The following ZNF335 variants were observed in gnomAD, a reference collection of about 807,000 sequenced individuals.
The protein encoded by ZNF335 is zinc finger protein 335, also known as NRC-interacting factor 1.
ZNF335 carries 84 observed loss-of-function variants against 145.6 expected under a neutral mutation model. The ratio of observed to expected loss-of-function variants is 0.58; its 90% CI spans 0.48 to 0.69. The LOEUF (loss-of-function observed/expected upper bound fraction) is 0.69. Ranked by LOEUF, ZNF335 falls within the 30% of genes least tolerant of loss-of-function variation. The pLI is 0.00. For missense variants in ZNF335, 1,865 were observed against 1,809.7 expected (o/e 1.03, Z -0.55); for synonymous variants, 761 against 717.0 (o/e 1.06, Z -0.98).
intron 18 of ZNF335, 134 bp downstream of exon 18, chr20:45,953,555 G>T: frequency 8.4e-7 from 1 of 1,196,874 alleles, no homozygotes; most frequent in Non-Finnish European, 1.2e-6. Context: ...GAGAAGGGTA[G>T]ACTCCACCAC....
chr20:45,962,395 C>T (rs2083860701), intron 9 of ZNF335, among the ~76,000 whole-genome samples: 1 of 152,260 alleles, frequency 6.6e-6, no homozygotes. Context: ...AGGCTCTGTG[C>T]TGGCTCACAA....
At chr20:45,953,509 T>TG (rs1452140495) in intron 18 of ZNF335, among the ~76,000 whole-genome samples, 180 bp downstream of exon 18, 2 of 152,204 alleles carry the variant, frequency 1.3e-5, no homozygotes, top group Non-Finnish European at 2.9e-5. Context: ...GCTTGGAATA[T>TG]CTAAGTGGCT....
At position 45,957,860 on chromosome 20, in the gene ZNF335, G is replaced by A. The variant is rs149480604; in HGVS notation, c.2322C>T (p.Gly774=). 7.4e-5 allele frequency: 120 copies of A among 1,613,732 alleles called. 1 individual carries two copies. In the Middle Eastern group the frequency reaches 1.5e-3, roughly 20 times the overall value. The change falls in exon 16 of 28, where the codon GGC becomes GGT. Residue 774 remains glycine (G), a synonymous_variant. Coordinates refer to ENST00000322927, the MANE Select transcript of ZNF335 (RefSeq NM_022095.4). ...CTTGCTGGTAGATGATGGTGGCGCC[G>A]CCCAGGGTGTCAGAACAGAGCAATG... is the stretch of plus-strand genomic sequence containing the variant. ...APSLLCSDTL[G]GATIIYQQGA...
At chr20:45,950,699 C>T in intron 20 of ZNF335, 104 bp from the exon 21 acceptor site, 1 of 1,510,086 alleles carries the variant, frequency 6.6e-7, no homozygotes, top group Non-Finnish European at 9.0e-7. Context: ...CAAAGTGGAC[C>T]TGGGAAAACC....
rs772441972 is a variant in ZNF335, at chr20:45,969,569, G to A, written c.324C>T (p.His108=). The A allele has an allele frequency of 2.4e-5, 38 of 1,604,200 alleles. No homozygotes were observed. The highest frequency in any genetic ancestry group is 2.9e-5 in the Non-Finnish European group (34 of 1,172,426). Residue 108 remains histidine, a synonymous_variant, in exon 3 of 28, where the codon CAC becomes CAT. Transcript: ENST00000322927. ...GVTGGPPALV[H]SSALPDPNML... is the part of the protein sequence containing the mutation. ...TGTTGGGGTCTGGGAGTGCACTAGA[G>A]TGCACAAGTGCTGGGGGACCGCCTG... is the stretch of plus-strand genomic sequence containing the variant.
In ZNF335 at chr20:45,963,822, G is replaced by T; in HGVS notation, c.1271C>A (p.Ala424Asp). 1 of 1,614,074 alleles carries T rather than the reference G, an allele frequency of 6.2e-7. No individual in the cohort carries two copies. Among genetic ancestry groups the T allele is most frequent in the African/African-American group, 1.3e-5 (1 of 75,076 alleles). ...GVSQSDAENA[A>D]PSCPDEHDTL... ...GTCATGCTCATCCGGGCAGGAGGGG[G>T]CTGCGTTCTCTGCATCTGACTGGCT... The change falls in exon 8 of 28, where the codon GCC becomes GAC. Residue 424 changes from alanine (A) to aspartate (D), a missense_variant. Ala to Asp is a moderately radical substitution (Grantham distance 126). Transcript: ENST00000322927.
rs371512017 is a variant in ZNF335 at position 45,960,432 on chromosome 20, C to T, written c.1859+17G>A. ...TGGGGACTGCTCCCGTCCCCAGGGG[C>T]CTCCAAGGGGATGTACCTGCGGTTG... On this transcript the variant is annotated intron_variant, in intron 13 of 27. Coordinates refer to ENST00000322927, the MANE Select transcript of ZNF335 (RefSeq NM_022095.4). The T allele has an allele frequency of 1.2e-6, 2 of 1,614,108 alleles. No individual in the cohort carries two copies. The highest frequency in any genetic ancestry group is 1.1e-5 in the South Asian group (1 of 91,090).
chr20:45,953,520 A>T (rs535491803), intron 18 of ZNF335, among the ~76,000 whole-genome samples, 169 bp downstream of exon 18: 4 of 152,340 alleles, frequency 2.6e-5, no homozygotes, highest in African/African-American at 9.6e-5. Context: ...CTAAGTGGCT[A>T]AAAAATGGTA....
At chr20:45,965,927 C>T (rs2083944799) in intron 6 of ZNF335, among the ~76,000 whole-genome samples, 153 bp from the exon 7 acceptor site, 1 of 152,188 alleles carries the variant, frequency 6.6e-6, no homozygotes, top group Non-Finnish European at 1.5e-5. Flanking sequence ...TCTCCTCTGG[C>T]TGACTTGGCG....
At chr20:45,971,692 G>A in intron 1 of ZNF335, 1 of 985,482 alleles carries the variant, frequency 1.0e-6, no homozygotes, top group Non-Finnish European at 1.2e-6. Flanking sequence ...TGGTAATCTT[G>A]ACCCTTTCCC....
intron 3 of ZNF335, 38 bp from the exon 4 acceptor site, chr20:45,968,400 G>C (rs1475842979): frequency 1.3e-6 from 2 of 1,586,716 alleles, no homozygotes; most frequent in Non-Finnish European, 8.6e-7. Flanking sequence ...CTCCTGGGGA[G>C]GGGGTCCCAG....
At position 45,960,812 on chromosome 20, in the gene ZNF335, C is replaced by T. The variant is rs1568818726; in HGVS notation, c.1665+52G>A. On this transcript the variant is annotated intron_variant, in intron 11 of 27. Coordinates refer to ENST00000322927, the MANE Select transcript of ZNF335 (RefSeq NM_022095.4). ...AAACCTCCCCTCTTGTCCTCACCCC[C>T]ATAAACAACCCCCGGGCAGGTTCCC... is the stretch of plus-strand genomic sequence containing the variant. 1.3e-5 allele frequency: 21 copies of T among 1,613,740 alleles called. 1 individual carries two copies. In the South Asian group the frequency reaches 2.3e-4, roughly 18 times the overall value.
chr20:45,957,478 C>T, intron 17 of ZNF335, 108 bp downstream of exon 17: 1 of 1,080,854 alleles, frequency 9.3e-7, no homozygotes, highest in South Asian at 1.4e-5. Flanking sequence ...TGGGAGCTCC[C>T]AAGGGCGGAG....
At chr20:45,954,471 C>T (rs948902399) in intron 17 of ZNF335, among the ~76,000 whole-genome samples, 3 of 152,048 alleles carry the variant, frequency 2.0e-5, no homozygotes, top group East Asian at 3.8e-4. Context: ...TAAAATAAAA[C>T]GTAGGTAAGT....
intron 17 of ZNF335, 137 bp from the exon 18 acceptor site, chr20:45,954,085 A>G: frequency 9.1e-7 from 1 of 1,097,438 alleles, no homozygotes; most frequent in Non-Finnish European, 1.3e-6. Context: ...TCATTTGAAT[A>G]GCCCAAGTTC....
rs1380094670 is a variant in ZNF335 at position 45,971,321 on chromosome 20, G to T, written c.90C>A (p.Gly30=). 6.3e-6 allele frequency: 10 copies of T among 1,596,628 alleles called. No individual in the cohort carries two copies. The highest frequency in any genetic ancestry group is 7.6e-6 in the Non-Finnish European group (9 of 1,178,232). The change falls in exon 2 of 28, where the codon GGC becomes GGA. Residue 30 remains glycine, a synonymous_variant. Coordinates refer to ENST00000322927, the MANE Select transcript of ZNF335 (RefSeq NM_022095.4). ...TGTCGGCGGACACGGCTTCTGAGGT[G>T]CCCACACCCAGGCCGCTCTCAGAGG... The part of the protein sequence containing the change: ...EEPSESGLGV[G]TSEAVSADSS...
Position 45,950,261 on chromosome 20 carries a change from T to C in ZNF335, c.3445A>G (p.Ile1149Val), listed in dbSNP as rs143113106. The part of the protein sequence containing the change: ...RAPTQTPTQT[I>V]ILNSDDETLA... ...GTTTCGTCATCACTGTTCAGGATGATGGTCTGGGTTGGGGTCTGGGTAGGG... is the reference window on the plus strand; with the variant it reads ...GTTTCGTCATCACTGTTCAGGATGACGGTCTGGGTTGGGGTCTGGGTAGGG... The change falls in exon 22 of 28, where the codon ATC (isoleucine) becomes GTC (valine). Residue 1149 changes from isoleucine to valine, a missense_variant. By Grantham distance (29) the Ile-to-Val change is conservative. Coordinates refer to ENST00000322927, the MANE Select transcript of ZNF335 (RefSeq NM_022095.4). 6.1e-4 allele frequency: 954 copies of C among 1,551,276 alleles called. 7 individuals are homozygous for C. Among genetic ancestry groups the C allele is most frequent in the South Asian group, 4.7e-3 (382 of 80,568 alleles).
At position 45,952,657 on chromosome 20, in the gene ZNF335, T is replaced by C. The variant is rs750610155; in HGVS notation, c.2755A>G (p.Lys919Glu). 41 of 1,613,690 alleles carry C rather than the reference T, an allele frequency of 2.5e-5. No individual in the cohort carries two copies. Among genetic ancestry groups the C allele is most frequent in the Non-Finnish European group, 3.5e-5 (41 of 1,180,014 alleles). Reference sequence around the variant, plus strand: ...ATGATGTAGTGGGTGCCAGCTTCTTTTAGGGTGTCACTCACAACCACAGCC... The same window carrying C: ...ATGATGTAGTGGGTGCCAGCTTCTTCTAGGGTGTCACTCACAACCACAGCC... Reference protein sequence around the residue: ...AQAVVVSDTLKEAGTHYIMAT... With the variant: ...AQAVVVSDTLEEAGTHYIMAT... Residue 919 changes from lysine to glutamate, a missense_variant, in exon 19 of 28, where the codon AAA becomes GAA. Transcript: ENST00000322927.
intron 24 of ZNF335, 106 bp from the exon 25 acceptor site, chr20:45,949,674 A>G (rs983095119): frequency 8.3e-6 from 12 of 1,446,578 alleles, no homozygotes; most frequent in Admixed American, 5.5e-5. Context: ...CACCAGCAAC[A>G]ATGCAGTTGT....
Sources: allele counts gnomAD v4.1 joint callset (sites outside exome capture counted in the v4.1 genomes callset), GRCh38; gene constraint gnomAD v4.1.1; transcripts MANE v1.5; gene names NCBI Gene and HGNC (gene_info 2026-07-23, HGNC 2026-07-21).